DNM1L: variants seen among roughly 807,000 people sequenced by gnomAD.
DNM1L encodes the protein dynamin 1L.
A neutral mutation model predicts 92.8 loss-of-function variants in DNM1L; 33 were observed. The ratio of observed to expected loss-of-function variants is 0.36; its 90% CI spans 0.27 to 0.48. The LOEUF (loss-of-function observed/expected upper bound fraction) is 0.48. DNM1L is among the 20% of genes least tolerant of loss of function. DNM1L has a pLI of 0.99. For synonymous variants in DNM1L, 284 were observed against 305.0 expected (o/e 0.93, Z 0.72); for missense variants, 485 against 888.8 (o/e 0.55, Z 5.78).
At chr12:32,717,983 A>G (rs1229980035) in intron 6 of DNM1L, among the ~76,000 whole-genome samples, 16 of 107,400 alleles carry the variant, frequency 1.5e-4, no homozygotes, top group African/African-American at 6.4e-4. Context: ...TATAGTATAT[A>G]TAGTATGTAT....
At chr12:32,739,089 AGTT>A (rs1955104544) in intron 16 of DNM1L, among the ~76,000 whole-genome samples, 1 of 152,228 alleles carries the variant, frequency 6.6e-6, no homozygotes, top group Admixed American at 6.5e-5. Context: ...CTCATTTTTA[AGTT>A]AATGTGTAAC....
At chr12:32,726,315 G>A (rs1954136326) in intron 9 of DNM1L, 1 of 1,307,946 alleles carries the variant, frequency 7.6e-7, no homozygotes, top group African/African-American at 1.5e-5. Flanking sequence ...ACATAAGGCA[G>A]TAAGTAAGAA....
At chr12:32,684,477 C>CTTTTTTTTTTT (rs768276200) in intron 1 of DNM1L, among the ~76,000 whole-genome samples, 1 of 146,092 alleles carries the variant, frequency 6.8e-6, no homozygotes, top group African/African-American at 2.5e-5. Context: ...CAACATAATT[C>CTTTTTTTTTTT]TTTTTTTTTT....
chr12:32,723,558 G>C (rs1953904222), intron 9 of DNM1L, among the ~76,000 whole-genome samples: 1 of 151,858 alleles, frequency 6.6e-6, no homozygotes, highest in Non-Finnish European at 1.5e-5. Context: ...GCCGGGCGTG[G>C]TGGTGGGCAG....
At chr12:32,736,504 A>G (rs77280205) in intron 13 of DNM1L, among the ~76,000 whole-genome samples, 1,534 of 152,334 alleles carry the variant, frequency 0.01, 32 homozygotes, top group African/African-American at 0.034. Flanking sequence ...ACAGTAGGCA[A>G]TTGATCAGTG....
chr12:32,730,068 G>T (rs1191733131), intron 9 of DNM1L, among the ~76,000 whole-genome samples: 2 of 152,114 alleles, frequency 1.3e-5, no homozygotes, highest in Non-Finnish European at 2.9e-5. Flanking sequence ...TATATCAAGA[G>T]ATTTAATTTG....
Position 32,707,356 on chromosome 12 carries a change from CT to C in DNM1L, c.251-5del. ...CATAGTTTCCAATAAATGAGTTTTT[CT>C]TTTTTCCAGGGGTGGAAGCAGAAGA... On this transcript the variant is annotated splice_polypyrimidine_tract_variant and intron_variant, in intron 2 of 19. Transcript: ENST00000549701. 2 of 1,602,996 alleles carry C rather than the reference CT, an allele frequency of 1.2e-6. No individual in the cohort carries two copies. The highest frequency in any genetic ancestry group is 1.7e-6 in the Non-Finnish European group (2 of 1,175,038).
At chr12:32,706,363 T>C (rs1164899023) in intron 2 of DNM1L, among the ~76,000 whole-genome samples, 1 of 152,244 alleles carries the variant, frequency 6.6e-6, no homozygotes, top group Non-Finnish European at 1.5e-5. Context: ...GAGGCTGATA[T>C]GCATTATTCA....
In DNM1L at chr12:32,717,441, AATATATACTATATATATTTTAAATAT is replaced by A. The variant is rs1565518034; in HGVS notation, c.620-1198_620-1173del. On this transcript the variant is annotated intron_variant, in intron 6 of 19. Transcript: ENST00000549701. ...TTAAATATATACTATATATATTTTA[AATATATACTATATATATTTTAAATAT>A]ATAGTATATATATTATATATATATA... 2.5e-3 allele frequency among the ~76,000 whole-genome samples: 250 copies of A among 99,130 alleles called. 1 individual carries two copies. The highest frequency in any genetic ancestry group is 4.2e-3 in the Non-Finnish European group (220 of 52,976). 65.0% of individuals were successfully genotyped at this position (99,130 alleles called of 152,430 possible). A position where few individuals can be genotyped will look rare whatever the true frequency, so the allele number is the denominator to read the frequency against.
At chr12:32,738,165 T>C (rs1025365886) in intron 15 of DNM1L, 99 bp from the exon 16 acceptor site, 3 of 1,419,750 alleles carry the variant, frequency 2.1e-6, no homozygotes, top group South Asian at 2.4e-5. Flanking sequence ...ACAGAAAAAG[T>C]AATTTAAAGA....
At chr12:32,695,294 A>G (rs1952394520) in intron 1 of DNM1L, among the ~76,000 whole-genome samples, 1 of 152,238 alleles carries the variant, frequency 6.6e-6, no homozygotes, top group Admixed American at 6.5e-5. Context: ...ATTTTTGAAG[A>G]AAAACAAGAC....
intron 13 of DNM1L, among the ~76,000 whole-genome samples, chr12:32,736,356 A>G (rs1406584878): frequency 1.3e-5 from 2 of 152,166 alleles, no homozygotes; most frequent in African/African-American, 2.4e-5. Context: ...AGCATGAGGC[A>G]CTGTGCCCGG....
intron 12 of DNM1L, 109 bp downstream of exon 12, chr12:32,732,052 A>G: frequency 1.2e-6 from 1 of 812,166 alleles, no homozygotes; most frequent in Admixed American, 2.0e-5. Flanking sequence ...TGTAGGCATA[A>G]TGTTTTCCAG....
chr12:32,741,052 C>G (rs1955250580), intron 18 of DNM1L, among the ~76,000 whole-genome samples: 1 of 152,166 alleles, frequency 6.6e-6, no homozygotes, highest in Non-Finnish European at 1.5e-5. Context: ...AGAAAATATT[C>G]TGCATCCAGT....
At chr12:32,723,601 G>A (rs1953906635) in intron 9 of DNM1L, among the ~76,000 whole-genome samples, 1 of 151,534 alleles carries the variant, frequency 6.6e-6, no homozygotes, top group African/African-American at 2.4e-5. Flanking sequence ...GGCTGAGGCA[G>A]GAGAATTGCT....
At chr12:32,695,966 T>G (rs986297110) in intron 1 of DNM1L, among the ~76,000 whole-genome samples, 1 of 151,716 alleles carries the variant, frequency 6.6e-6, no homozygotes, top group African/African-American at 2.4e-5. Flanking sequence ...TGGAAACAAG[T>G]AAAGAAAATC....
chr12:32,739,290 C>T (rs1440785346), intron 16 of DNM1L, among the ~76,000 whole-genome samples: 4 of 152,124 alleles, frequency 2.6e-5, no homozygotes, highest in Non-Finnish European at 4.4e-5. Context: ...AAAAAACCCT[C>T]TTAAATGTTG....
At chr12:32,740,604 AT>A in intron 18 of DNM1L, 86 bp downstream of exon 18, 1 of 1,262,836 alleles carries the variant, frequency 7.9e-7, no homozygotes, top group Non-Finnish European at 1.1e-6. Flanking sequence ...TATTTTTACA[AT>A]TTTAGGTTTT....
intron 5 of DNM1L, 110 bp downstream of exon 5, chr12:32,711,125 T>G: frequency 1.1e-6 from 1 of 928,114 alleles, no homozygotes. Flanking sequence ...TAGCAGCATT[T>G]GATAACGTTG....
Sources: allele counts gnomAD v4.1 joint callset (sites outside exome capture counted in the v4.1 genomes callset), GRCh38; gene constraint gnomAD v4.1.1; transcripts MANE v1.5; gene names NCBI Gene and HGNC (gene_info 2026-07-23, HGNC 2026-07-21).